The following MMP26 variants were observed in gnomAD, a reference collection of about 807,000 sequenced individuals.
MMP26 encodes matrix metalloproteinase-26.
MMP26 carries 33 observed loss-of-function variants against 31.0 expected under a neutral mutation model. The observed-to-expected ratio is 1.06, with a 90% CI of 0.81 to 1.42. The LOEUF (loss-of-function observed/expected upper bound fraction) is 1.42. MMP26 is among the 40% of genes most tolerant of loss of function. MMP26 has a pLI of 0.00. For synonymous variants in MMP26, 122 were observed against 114.9 expected (o/e 1.06, Z -0.40); for missense variants, 347 against 316.1 (o/e 1.10, Z -0.74).
intron 1 of MMP26, among the ~76,000 whole-genome samples, chr11:4,727,021 A>G (rs1409808686): frequency 6.6e-6 from 1 of 152,198 alleles, no homozygotes; most frequent in Non-Finnish European, 1.5e-5. Context: ...TCTCTAAAAC[A>G]AAACAAAACA....
At chr11:4,889,800 C>T in intron 2 of MMP26, 1 of 174,454 alleles carries the variant, frequency 5.7e-6, no homozygotes, top group Non-Finnish European at 1.3e-5. Context: ...ATAAGCACAG[C>T]ACAGATATGG....
Position 4,989,713 on chromosome 11 carries a change from A to G in MMP26, c.165A>G (p.Thr55=), listed in dbSNP as rs776276343. 8.1e-6 allele frequency: 13 copies of G among 1,613,728 alleles called. No homozygotes were observed. Among genetic ancestry groups the G allele is most frequent in the Admixed American group, 1.7e-5 (1 of 59,994 alleles). ...CACTCCTTACCCAGGAGACACAAAC[A>G]CAGCTCCTGCAACAATTCCATCGGA... The part of the protein sequence containing the change: ...ESPLLTQETQ[T]QLLQQFHRNG... Residue 55 remains threonine, a synonymous_variant, in exon 4 of 8, where the codon ACA becomes ACG. Transcript: ENST00000380390.
intron 3 of MMP26, 141 bp downstream of exon 3, chr11:4,988,451 A>G (rs995865878): frequency 1.8e-5 from 13 of 716,468 alleles, no homozygotes; most frequent in African/African-American, 1.6e-4. Context: ...TATTCTATCT[A>G]TGTGTTCATT....
At chr11:4,927,314 G>C (rs1407549373) in intron 2 of MMP26, among the ~76,000 whole-genome samples, 1 of 152,152 alleles carries the variant, frequency 6.6e-6, no homozygotes, top group African/African-American at 2.4e-5. Flanking sequence ...AATCCACTCT[G>C]ATTGTCATGA....
At chr11:4,935,561 C>T (rs1275030330) in intron 2 of MMP26, among the ~76,000 whole-genome samples, 2 of 151,784 alleles carry the variant, frequency 1.3e-5, no homozygotes, top group South Asian at 2.1e-4. Context: ...AATTGAATAC[C>T]CTTTATTTCC....
intron 2 of MMP26, among the ~76,000 whole-genome samples, chr11:4,934,100 G>T (rs1170052093): frequency 1.7e-5 from 2 of 119,458 alleles, no homozygotes; most frequent in African/African-American, 3.2e-5. Context: ...GTAATGGGAT[G>T]GCTGGGTCAA....
chr11:4,965,553 A>C (rs74995168), intron 2 of MMP26, among the ~76,000 whole-genome samples: 2,633 of 152,306 alleles, frequency 0.017, 73 homozygotes, highest in African/African-American at 0.06. Flanking sequence ...TTTTGTGGTC[A>C]ATATTAATCT....
intron 2 of MMP26, among the ~76,000 whole-genome samples, chr11:4,830,982 G>T (rs1348830212): frequency 6.6e-6 from 1 of 152,190 alleles, no homozygotes. Flanking sequence ...GTTATGGGAT[G>T]CATAACAAGG....
In MMP26 at chr11:4,738,545, A is replaced by C. The variant is rs1848271901; in HGVS notation, c.-216-28725A>C. ...AAAAAAACTTCCAGATTTTATGAGC[A>C]GTTCTTGTCTCAGTAGTCAGAATTC... On this transcript the variant is annotated intron_variant, in intron 1 of 7. Transcript: ENST00000380390. 1.3e-5 allele frequency among the ~76,000 whole-genome samples: 2 copies of C among 152,212 alleles called. 1 individual carries two copies. Among genetic ancestry groups the C allele is most frequent in the South Asian group, 4.1e-4 (2 of 4,838 alleles).
intron 2 of MMP26, among the ~76,000 whole-genome samples, chr11:4,897,334 TTCACCA>T (rs1850721766): frequency 6.6e-6 from 1 of 152,128 alleles, no homozygotes. Flanking sequence ...GAGACAAGGT[TTCACCA>T]TGTTGGCCAG....
chr11:4,969,827 G>A (rs1846641334), intron 2 of MMP26, among the ~76,000 whole-genome samples: 1 of 152,008 alleles, frequency 6.6e-6, no homozygotes, highest in Non-Finnish European at 1.5e-5. Flanking sequence ...TTTTTATTAA[G>A]CAAACGTTAT....
chr11:4,920,290 T>C (rs1851164196), intron 2 of MMP26, among the ~76,000 whole-genome samples: 1 of 152,182 alleles, frequency 6.6e-6, no homozygotes, highest in African/African-American at 2.4e-5. Flanking sequence ...AAGTACCTAG[T>C]AGAACCAAGA....
chr11:4,733,009 A>T (rs938187394), intron 1 of MMP26, among the ~76,000 whole-genome samples: 2 of 152,344 alleles, frequency 1.3e-5, no homozygotes, highest in Middle Eastern at 3.4e-3. Flanking sequence ...TCACTGAGGG[A>T]TATGTCTATC....
rs755814176 is a variant in MMP26 at position 4,992,053 on chromosome 11, A to G, written c.685A>G (p.Thr229Ala). ...GAATCAGAGCTCCATAATGTACCCCACTTACTGGTATCACGACCCTAGAAC... is the reference window on the plus strand; with the variant it reads ...GAATCAGAGCTCCATAATGTACCCCGCTTACTGGTATCACGACCCTAGAAC... ...SGNQSSIMYP[T>A]YWYHDPRTFQ... is the part of the protein sequence containing the mutation. The change falls in exon 7 of 8, where the codon ACT becomes GCT. Residue 229 changes from threonine to alanine, a missense_variant. By Grantham distance (58) the Thr-to-Ala change is moderately conservative. Coordinates refer to ENST00000380390, the MANE Select transcript of MMP26 (RefSeq NM_021801.5). 6.2e-7 allele frequency: 1 copy of G among 1,613,942 alleles called. No homozygotes were observed. Among genetic ancestry groups the G allele is most frequent in the African/African-American group, 1.3e-5 (1 of 74,974 alleles).
chr11:4,973,384 A>T (rs574973396), intron 2 of MMP26: 1 of 152,558 alleles, frequency 6.6e-6, no homozygotes, highest in South Asian at 2.1e-4. Context: ...AATATTTTAG[A>T]TGTTTTAGAG....
chr11:4,863,193 A>G (rs2133516589), intron 2 of MMP26, among the ~76,000 whole-genome samples: 1 of 151,994 alleles, frequency 6.6e-6, no homozygotes, highest in African/African-American at 2.4e-5. Context: ...TTTGACTCTG[A>G]TTTTCATTAC....
intron 2 of MMP26, chr11:4,914,602 C>T (rs1851044744): frequency 7.0e-6 from 5 of 718,794 alleles, no homozygotes; most frequent in Non-Finnish European, 1.2e-5. Flanking sequence ...TAACTCATCC[C>T]TGTACATGTT....
intron 2 of MMP26, chr11:4,849,296 C>CA (rs1284731988): frequency 1.4e-6 from 2 of 1,409,254 alleles, no homozygotes; most frequent in Admixed American, 4.2e-5. Context: ...TGAAACGTTC[C>CA]AAAATAGCCT....
rs144950340 is a variant in MMP26 at position 4,988,032 on chromosome 11, G to C, written c.-144-36G>C. On this transcript the variant is annotated intron_variant, in intron 2 of 7. Coordinates refer to ENST00000380390, the MANE Select transcript of MMP26 (RefSeq NM_021801.5). Reference sequence around the variant, plus strand: ...AAAAATAAATTCCATGGCTGCTTTTGTCACCCTTGCATGCTGGTCACTCTG... The same window carrying C: ...AAAAATAAATTCCATGGCTGCTTTTCTCACCCTTGCATGCTGGTCACTCTG... The C allele has an allele frequency of 1.3e-3, 840 of 637,406 alleles. 4 individuals carry two copies. In the African/African-American group the frequency reaches 0.014, roughly 11 times the overall value. 39.5% of individuals were successfully genotyped at this position (637,406 alleles called of 1,614,324 possible). A position where few individuals can be genotyped will look rare whatever the true frequency, so the allele number is the denominator to read the frequency against.
Sources: gnomAD v4.1 joint callset for allele counts (sites outside exome capture counted in the v4.1 genomes callset) on GRCh38, gnomAD v4.1.1 for gene constraint, MANE v1.5 for transcripts, NCBI Gene and HGNC (gene_info 2026-07-23, HGNC 2026-07-21) for gene names.